CNTNAP2: variants seen among roughly 807,000 people sequenced by gnomAD.
CNTNAP2 encodes the protein contactin-associated protein-like 2.
A neutral mutation model predicts 155.2 loss-of-function variants in CNTNAP2; 98 were observed. The observed-to-expected ratio is 0.63, with a 90% CI of 0.54 to 0.75. CNTNAP2 has a LOEUF of 0.75. Ranked by LOEUF, CNTNAP2 falls within the 30% of genes least tolerant of loss-of-function variation. The pLI is 0.00. For synonymous variants in CNTNAP2, 651 were observed against 631.2 expected (o/e 1.03, Z -0.47); for missense variants, 1,727 against 1,688.1 (o/e 1.02, Z -0.40).
intron 2 of CNTNAP2, among the ~76,000 whole-genome samples, chr7:146,797,548 A>G (rs1414037380): frequency 6.6e-6 from 1 of 152,244 alleles, no homozygotes; most frequent in Non-Finnish European, 1.5e-5. Context: ...AAGACCACTA[A>G]TAGCTGTTTC....
intron 15 of CNTNAP2, among the ~76,000 whole-genome samples, chr7:148,040,042 T>A: frequency 6.6e-6 from 1 of 152,304 alleles, no homozygotes; most frequent in South Asian, 2.1e-4. Context: ...CAACCTTATA[T>A]AAATTAGAAC....
chr7:147,095,263 T>C (rs919927681), intron 4 of CNTNAP2, among the ~76,000 whole-genome samples: 1 of 150,884 alleles, frequency 6.6e-6, no homozygotes, highest in Admixed American at 6.6e-5. Context: ...CTCGAACTCT[T>C]TACCTGAAAT....
chr7:147,729,151 A>G (rs1796694054), intron 13 of CNTNAP2, among the ~76,000 whole-genome samples: 1 of 151,796 alleles, frequency 6.6e-6, no homozygotes, highest in Non-Finnish European at 1.5e-5. Context: ...GTACAGGCTG[A>G]TCTTGAACTC....
At chr7:146,704,034 G>A (rs1463395617) in intron 1 of CNTNAP2, among the ~76,000 whole-genome samples, 3 of 152,038 alleles carry the variant, frequency 2.0e-5, no homozygotes, top group Admixed American at 6.6e-5. Flanking sequence ...ATTGTTACCT[G>A]TGTTGTATTT....
chr7:147,888,856 C>T (rs1356278223), intron 13 of CNTNAP2, among the ~76,000 whole-genome samples: 3 of 151,048 alleles, frequency 2.0e-5, no homozygotes, highest in African/African-American at 7.3e-5. Context: ...AAAAAAAGAT[C>T]TCATAAGAAT....
At chr7:146,849,386 A>G (rs771527690) in intron 3 of CNTNAP2, among the ~76,000 whole-genome samples, 1 of 152,226 alleles carries the variant, frequency 6.6e-6, no homozygotes, top group Non-Finnish European at 1.5e-5. Flanking sequence ...ACTACTGAAT[A>G]TGGAGCCAAA....
rs114570586 is a variant in CNTNAP2 at position 146,633,104 on chromosome 7, A to G, written c.98-141167A>G. On this transcript the variant is annotated intron_variant, in intron 1 of 23. Transcript: ENST00000361727. ...AGCAGTTTGCCTCTGGTTTAACAAT[A>G]TGAACATACTTCCTTTCCCAGCTGG... Among the ~76,000 whole-genome samples, 569 of 152,314 alleles carry G rather than the reference A, an allele frequency of 3.7e-3. 5 individuals are homozygous for G. Among genetic ancestry groups the G allele is most frequent in the African/African-American group, 0.013 (549 of 41,566 alleles).
At chr7:147,998,376 G>T (rs1801844780) in intron 15 of CNTNAP2, among the ~76,000 whole-genome samples, 1 of 152,132 alleles carries the variant, frequency 6.6e-6, no homozygotes, top group Admixed American at 6.5e-5. Context: ...CTCCCAAAGT[G>T]CTGGGATTAC....
At chr7:147,945,980 G>A (rs150880059) in intron 14 of CNTNAP2, among the ~76,000 whole-genome samples, 2,145 of 147,794 alleles carry the variant, frequency 0.015, 59 homozygotes, top group African/African-American at 0.05. Context: ...CTATTCTCCT[G>A]CCTCAGCCTC....
chr7:148,299,584 G>A (rs941516403), intron 21 of CNTNAP2, among the ~76,000 whole-genome samples: 2 of 152,168 alleles, frequency 1.3e-5, no homozygotes, highest in Non-Finnish European at 2.9e-5. Flanking sequence ...TGTAGTGATC[G>A]CTGCTGTGTG....
intron 20 of CNTNAP2, among the ~76,000 whole-genome samples, chr7:148,243,025 A>G (rs1796188397): frequency 6.6e-6 from 1 of 152,260 alleles, no homozygotes; most frequent in East Asian, 1.9e-4. Context: ...TGGCAGCTCA[A>G]GAGAAAAGAT....
At chr7:147,172,544 T>A (rs1178856475) in intron 8 of CNTNAP2, among the ~76,000 whole-genome samples, 2 of 152,136 alleles carry the variant, frequency 1.3e-5, no homozygotes, top group Non-Finnish European at 2.9e-5. Flanking sequence ...TTTTTCAGAG[T>A]CATTTGTAAC....
rs1048342366 is a variant in CNTNAP2, at chr7:147,657,994, C to G, written c.2098+18688C>G. Among the ~76,000 whole-genome samples, 7 of 148,584 alleles carry G rather than the reference C, an allele frequency of 4.7e-5. 2 individuals are homozygous for G. The highest frequency in any genetic ancestry group is 7.5e-5 in the Non-Finnish European group (5 of 66,546). On this transcript the variant is annotated intron_variant, in intron 13 of 23. Transcript: ENST00000361727. ...CGACCTGGCCGGGCGCGGTGGCTCA[C>G]GCCTGTAATCCCAGCACTTTGGGAG...
intron 18 of CNTNAP2, among the ~76,000 whole-genome samples, chr7:148,215,055 G>A (rs1335928578): frequency 6.6e-6 from 1 of 152,198 alleles, no homozygotes; most frequent in East Asian, 1.9e-4. Flanking sequence ...TAGTTGAAAA[G>A]CTATAGTTAA....
At chr7:147,314,888 T>A (rs1795198235) in intron 9 of CNTNAP2, among the ~76,000 whole-genome samples, 1 of 150,970 alleles carries the variant, frequency 6.6e-6, no homozygotes, top group Non-Finnish European at 1.5e-5. Context: ...TCAATTGGGC[T>A]TTAGGGTGGA....
chr7:146,688,928 T>C (rs1033911606), intron 1 of CNTNAP2, among the ~76,000 whole-genome samples: 19 of 152,260 alleles, frequency 1.2e-4, no homozygotes, highest in African/African-American at 4.6e-4. Flanking sequence ...AATTATAGTA[T>C]GTAAAACTAA....
At chr7:147,530,179 A>C (rs1428428260) in intron 11 of CNTNAP2, among the ~76,000 whole-genome samples, 1 of 139,920 alleles carries the variant, frequency 7.1e-6, no homozygotes, top group Non-Finnish European at 1.5e-5. Context: ...GTGGAAGGCA[A>C]AAGGCACTTT....
At chr7:148,166,514 T>A (rs573663770) in intron 17 of CNTNAP2, among the ~76,000 whole-genome samples, 1 of 152,200 alleles carries the variant, frequency 6.6e-6, no homozygotes, top group East Asian at 1.9e-4. Flanking sequence ...TTCCTCTTGA[T>A]CATTGTTTTT....
At chr7:148,183,649 G>C (rs905104912) in intron 18 of CNTNAP2, among the ~76,000 whole-genome samples, 1 of 151,644 alleles carries the variant, frequency 6.6e-6, no homozygotes, top group Non-Finnish European at 1.5e-5. Context: ...ACCCTGCTAA[G>C]TTTTTAATTT....
Sources: allele counts gnomAD v4.1 joint callset (sites outside exome capture counted in the v4.1 genomes callset), GRCh38; gene constraint gnomAD v4.1.1; transcripts MANE v1.5; gene names NCBI Gene and HGNC (gene_info 2026-07-23, HGNC 2026-07-21).